Variants in KLF17 observed in about 807,000 individuals in gnomAD.
The protein encoded by KLF17 is Krueppel-like factor 17.
A neutral mutation model predicts 34.2 loss-of-function variants in KLF17; 31 were observed. The observed-to-expected ratio is 0.91, with a 90% CI of 0.68 to 1.22. The LOEUF (loss-of-function observed/expected upper bound fraction) is 1.22, where lower values mean the gene tolerates loss of function less well. Ranked by LOEUF, KLF17 falls within the 50% of genes most tolerant of loss-of-function variation. KLF17 has a pLI of 0.00. For missense variants in KLF17, 478 were observed against 505.2 expected, an observed-to-expected ratio of 0.95 and a Z score of 0.52; for synonymous variants, 179 against 186.7, an observed-to-expected ratio of 0.96 and a Z score of 0.34.
At chr1:44,086,242 A>G in the KLF17 span, among the ~76,000 whole-genome samples, 1 of 152,146 alleles carries the variant, frequency 6.6e-6, no homozygotes, top group African/African-American at 2.4e-5. Flanking sequence ...CGAGGCAGGC[A>G]GATCACCTGA....
At chr1:44,070,590 CTTTTT>C in the KLF17 span, among the ~76,000 whole-genome samples, 21 of 78,678 alleles carry the variant, frequency 2.7e-4, no homozygotes, top group Admixed American at 1.1e-3. Flanking sequence ...TTTCCCTTGT[CTTTTT>C]TTTTTTTTTT....
At chr1:44,053,811 T>C in the KLF17 span, among the ~76,000 whole-genome samples, 1 of 152,180 alleles carries the variant, frequency 6.6e-6, no homozygotes, top group Non-Finnish European at 1.5e-5. Context: ...GACATGCAAA[T>C]ATTACTATCC....
chr1:44,100,788 G>A, the KLF17 span, among the ~76,000 whole-genome samples: 1 of 151,910 alleles, frequency 6.6e-6, no homozygotes, highest in Admixed American at 6.6e-5. Context: ...CCAAGTAGCT[G>A]GGATTACAGG....
intron 1 of KLF17, among the ~76,000 whole-genome samples, chr1:44,125,222 T>C (rs996170824): frequency 9.2e-5 from 14 of 152,222 alleles, no homozygotes; most frequent in African/African-American, 3.4e-4. Flanking sequence ...AGGACATGTC[T>C]AGTGGTAATG....
At chr1:44,102,725 G>A in the KLF17 span, among the ~76,000 whole-genome samples, 2 of 151,978 alleles carry the variant, frequency 1.3e-5, no homozygotes, top group African/African-American at 2.4e-5. Context: ...TAGGTTCATC[G>A]ATTGTAACAA....
the KLF17 span, among the ~76,000 whole-genome samples, chr1:44,091,506 A>G: frequency 1.3e-5 from 2 of 151,902 alleles, no homozygotes; most frequent in African/African-American, 4.8e-5. Flanking sequence ...AAACATGAGA[A>G]TTAGCCAGGC....
the KLF17 span, chr1:44,046,024 A>C: frequency 6.6e-6 from 1 of 152,100 alleles, no homozygotes; most frequent in Admixed American, 6.6e-5. Flanking sequence ...CGTTTTCTTA[A>C]TATTTCTTAA....
At chr1:44,131,691 G>A (rs2088110897) in intron 3 of KLF17, among the ~76,000 whole-genome samples, 2 of 152,112 alleles carry the variant, frequency 1.3e-5, no homozygotes, top group South Asian at 4.1e-4. Context: ...AAACTTAGAA[G>A]TGTGGGGAAA....
chr1:44,122,720 C>A (rs548636905), intron 1 of KLF17, among the ~76,000 whole-genome samples: 1 of 152,280 alleles, frequency 6.6e-6, no homozygotes, highest in African/African-American at 2.4e-5. Flanking sequence ...GCCTCAGCCT[C>A]CCGAGTAGCT....
chr1:44,133,202 C>T (rs1046059557), intron 3 of KLF17, 36 bp from the exon 4 acceptor site: 1 of 152,162 alleles, frequency 6.6e-6, no homozygotes, highest in African/African-American at 2.4e-5. Flanking sequence ...AGTGTAACAC[C>T]TAGTAATCCC....
chr1:44,047,139 T>G, the KLF17 span, among the ~76,000 whole-genome samples: 7 of 152,202 alleles, frequency 4.6e-5, no homozygotes, highest in East Asian at 1.3e-3. Flanking sequence ...AATATTATGT[T>G]TAGATATGCT....
chr1:44,060,892 A>G, the KLF17 span, among the ~76,000 whole-genome samples: 1 of 152,344 alleles, frequency 6.6e-6, no homozygotes, highest in Non-Finnish European at 1.5e-5. Context: ...TTGCACATAC[A>G]TCAACAACTC....
chr1:44,099,579 C>T, the KLF17 span, among the ~76,000 whole-genome samples: 4 of 149,730 alleles, frequency 2.7e-5, no homozygotes, highest in Non-Finnish European at 4.5e-5. Context: ...GAGGCCAAGG[C>T]GGGTGAATCA....
the KLF17 span, among the ~76,000 whole-genome samples, chr1:44,060,504 T>C: frequency 6.6e-6 from 1 of 152,054 alleles, no homozygotes; most frequent in Admixed American, 6.5e-5. Flanking sequence ...GATGAACATA[T>C]GTTGGCCACC....
Position 44,129,358 on chromosome 1 carries a change from C to T in KLF17, c.87C>T (p.Asn29=), listed in dbSNP as rs376492523. ...CCTGACTCTTTTTCCCCAAGGATAA[C>T]GAGAACTCAGCGCCCATCTTGAACA... ...WQAAHQAAQD[N]ENSAPILNMS... is the part of the protein sequence containing the mutation. The change falls in exon 2 of 4, where the codon AAC becomes AAT. Residue 29 remains asparagine (N), a synonymous_variant. Transcript: ENST00000372299. The T allele has an allele frequency of 1.1e-5, 16 of 1,510,344 alleles. No individual in the cohort carries two copies. The highest frequency in any genetic ancestry group is 5.6e-5 in the African/African-American group (4 of 71,500). 93.6% of individuals were successfully genotyped at this position (1,510,344 alleles called of 1,614,324 possible). A position where few individuals can be genotyped will look rare whatever the true frequency, so the allele number is the denominator to read the frequency against.
chr1:44,114,039 G>C (rs995587577), upstream of KLF17: 1 of 152,274 alleles, frequency 6.6e-6, no homozygotes, highest in Non-Finnish European at 1.5e-5. Flanking sequence ...TGTAAGGTTG[G>C]GGGAGGAGGC....
At chr1:44,079,464 T>C in the KLF17 span, among the ~76,000 whole-genome samples, 1 of 151,906 alleles carries the variant, frequency 6.6e-6, no homozygotes, top group Non-Finnish European at 1.5e-5. Flanking sequence ...CATGCTCAGC[T>C]ACATTTTTTG....
the KLF17 span, chr1:44,051,379 C>G: frequency 2.0e-5 from 3 of 152,252 alleles, no homozygotes; most frequent in Non-Finnish European, 2.9e-5. Flanking sequence ...TCAGTCCTCA[C>G]GTGGGACCCT....
chr1:44,082,204 C>T, the KLF17 span, among the ~76,000 whole-genome samples: 2 of 152,234 alleles, frequency 1.3e-5, no homozygotes, highest in South Asian at 4.2e-4. Flanking sequence ...TGAAATAAGT[C>T]CCAGTAAATG....
Sources: allele counts gnomAD v4.1 joint callset (sites outside exome capture counted in the v4.1 genomes callset), GRCh38; gene constraint gnomAD v4.1.1; transcripts MANE v1.5; gene names NCBI Gene and HGNC (gene_info 2026-07-23, HGNC 2026-07-21).